TRAPPC9: variants seen among roughly 807,000 people sequenced by gnomAD.
The protein encoded by TRAPPC9 is IKK2 binding protein.
A neutral mutation model predicts 124.0 loss-of-function variants in TRAPPC9; 83 were observed. The observed-to-expected ratio is 0.67, with a 90% CI of 0.56 to 0.80. TRAPPC9 has a LOEUF of 0.80. TRAPPC9 is among the 30% of genes least tolerant of loss of function. TRAPPC9 has a pLI of 0.00. For missense variants in TRAPPC9, 1,302 were observed against 1,508.3 expected (o/e 0.86, Z 2.27); for synonymous variants, 638 against 617.5 (o/e 1.03, Z -0.49).
At chr8:140,448,921 G>A (rs1036300309) in intron 2 of TRAPPC9, among the ~76,000 whole-genome samples, 8 of 148,024 alleles carry the variant, frequency 5.4e-5, no homozygotes, top group African/African-American at 2.0e-4. Flanking sequence ...ACATCAGCCA[G>A]CACAGCAACC....
At chr8:140,354,551 G>A (rs181045219) in intron 9 of TRAPPC9, among the ~76,000 whole-genome samples, 3 of 152,282 alleles carry the variant, frequency 2.0e-5, no homozygotes, top group African/African-American at 4.8e-5. Context: ...GAAGGCCCCC[G>A]ATGATGCTGT....
intron 20 of TRAPPC9, among the ~76,000 whole-genome samples, chr8:139,892,862 C>G (rs1830433059): frequency 6.6e-6 from 1 of 152,200 alleles, no homozygotes; most frequent in Non-Finnish European, 1.5e-5. Flanking sequence ...CACTCCTCTG[C>G]TGTAGAAGCT....
chr8:139,731,859 G>T, intron 22 of TRAPPC9, 120 bp downstream of exon 22: 1 of 939,742 alleles, frequency 1.1e-6, no homozygotes, highest in Non-Finnish European at 1.7e-6. Flanking sequence ...CGTGACCACA[G>T]AACCCCTGCT....
intron 17 of TRAPPC9, among the ~76,000 whole-genome samples, chr8:140,101,598 A>G (rs2060582664): frequency 8.0e-6 from 1 of 124,822 alleles, no homozygotes; most frequent in African/African-American, 3.2e-5. Context: ...GCTGGAGTGC[A>G]ATGGTGCAAT....
chr8:140,310,786 G>C (rs537354797), intron 10 of TRAPPC9, among the ~76,000 whole-genome samples: 85 of 152,114 alleles, frequency 5.6e-4, no homozygotes, highest in Non-Finnish European at 1.1e-3. Flanking sequence ...GGAGAGGAGA[G>C]AGCCTGCCAG....
intron 9 of TRAPPC9, among the ~76,000 whole-genome samples, chr8:140,335,211 G>A (rs1412024357): frequency 6.6e-6 from 1 of 152,120 alleles, no homozygotes; most frequent in African/African-American, 2.4e-5. Context: ...AGGTAACTCC[G>A]GCCGCAATGT....
Position 140,027,886 on chromosome 8 carries a change from T to C in TRAPPC9, c.2557-3807A>G, listed in dbSNP as rs188767014. On this transcript the variant is annotated intron_variant, in intron 17 of 22. Transcript: ENST00000438773. ...ACCATCAGATCTCATGAGAACTCAC[T>C]ATCATGAGAACAGCATGGGGGACAC... Among the ~76,000 whole-genome samples the C allele has an allele frequency of 1.3e-5, 2 of 152,142 alleles. 1 individual carries two copies. Among genetic ancestry groups the C allele is most frequent in the Admixed American group, 1.3e-4 (2 of 15,296 alleles).
intron 4 of TRAPPC9, among the ~76,000 whole-genome samples, chr8:140,431,881 C>T (rs2070658564): frequency 1.3e-5 from 2 of 152,172 alleles, no homozygotes; most frequent in Non-Finnish European, 2.9e-5. Flanking sequence ...GTGCTCCAGA[C>T]AGTTTCTATC....
chr8:140,419,448 A>AAAAAAAAAAAC (rs1554683879), intron 5 of TRAPPC9, among the ~76,000 whole-genome samples: 5 of 94,812 alleles, frequency 5.3e-5, no homozygotes, highest in South Asian at 4.1e-4. Context: ...AAAAAAAAAA[A>AAAAAAAAAAAC]AAAACAAAAC....
At position 140,033,661 on chromosome 8, in the gene TRAPPC9, T is replaced by TTTTG. The variant is rs1482757577; in HGVS notation, c.2557-9583_2557-9582insCAAA. 6.5e-4 allele frequency among the ~76,000 whole-genome samples: 20 copies of TTTTG among 30,982 alleles called. 2 individuals are homozygous for TTTTG. The highest frequency in any genetic ancestry group is 1.2e-3 in the African/African-American group (3 of 2,588). The allele number at this position is 30,982 out of a possible 152,430, so 20.3% of individuals were successfully genotyped here. ...AAATGCAACTCTTCATAATGTGGTT[T>TTTTG]TTTTTTTTTTTTTTTTTTTTTTTTT... On this transcript the variant is annotated intron_variant, in intron 17 of 22. Transcript: ENST00000438773.
chr8:139,852,264 C>T (rs1250473981), intron 21 of TRAPPC9, among the ~76,000 whole-genome samples: 1 of 152,180 alleles, frequency 6.6e-6, no homozygotes, highest in Non-Finnish European at 1.5e-5. Context: ...TAAAGACATG[C>T]CCAGTCTCAG....
intron 17 of TRAPPC9, among the ~76,000 whole-genome samples, chr8:140,052,820 A>T (rs1485795677): frequency 6.6e-6 from 1 of 151,586 alleles, no homozygotes; most frequent in East Asian, 1.9e-4. Flanking sequence ...GGTGGCATAC[A>T]CCTGTGGTCC....
At chr8:139,949,615 C>T (rs539403020) in intron 19 of TRAPPC9, among the ~76,000 whole-genome samples, 2 of 152,354 alleles carry the variant, frequency 1.3e-5, no homozygotes, top group South Asian at 2.1e-4. Flanking sequence ...ACCCTGATTA[C>T]ATTACATGCT....
chr8:140,187,013 C>T (rs1476318981), intron 17 of TRAPPC9, among the ~76,000 whole-genome samples: 1 of 152,168 alleles, frequency 6.6e-6, no homozygotes, highest in African/African-American at 2.4e-5. Context: ...CGTCTCTACA[C>T]GGTACTCTAC....
chr8:140,200,063 G>A (rs763420939), intron 17 of TRAPPC9, among the ~76,000 whole-genome samples: 29 of 152,166 alleles, frequency 1.9e-4, no homozygotes, highest in Admixed American at 5.2e-4. Context: ...ATGCACACTG[G>A]AGTCAAATAA....
chr8:139,732,245 C>T (rs374602903), intron 21 of TRAPPC9, 43 bp from the exon 22 acceptor site: 20 of 1,496,942 alleles, frequency 1.3e-5, no homozygotes, highest in Admixed American at 1.0e-4. Flanking sequence ...CTGGCCTGCA[C>T]GGCCCAGCCG....
Position 139,730,990 on chromosome 8 carries a change from T to G in TRAPPC9, c.*71A>C. On this transcript the variant is annotated 3_prime_UTR_variant, in exon 23 of 23. Transcript: ENST00000438773. ...GGGGCTGCAGTGAAGGCCTTGCTCATTGCAGGGGGTGTGGGAGGCCAGGCA... is the reference window on the plus strand; with the variant it reads ...GGGGCTGCAGTGAAGGCCTTGCTCAGTGCAGGGGGTGTGGGAGGCCAGGCA... 1 of 1,551,382 alleles carries G rather than the reference T, an allele frequency of 6.4e-7. No homozygotes were observed.
At chr8:139,796,145 AGAGGAG>A (rs1318210535) in intron 21 of TRAPPC9, among the ~76,000 whole-genome samples, 2 of 141,772 alleles carry the variant, frequency 1.4e-5, no homozygotes, top group Non-Finnish European at 3.1e-5. Flanking sequence ...AGGAGGAGGA[AGAGGAG>A]GAGGAAGAGG....
chr8:140,424,778 C>G (rs2070363518), intron 5 of TRAPPC9, among the ~76,000 whole-genome samples: 1 of 151,976 alleles, frequency 6.6e-6, no homozygotes, highest in Non-Finnish European at 1.5e-5. Flanking sequence ...AAGCTTAGTT[C>G]TTAGGATGAG....
Sources: allele counts gnomAD v4.1 joint callset (sites outside exome capture counted in the v4.1 genomes callset), GRCh38; gene constraint gnomAD v4.1.1; transcripts MANE v1.5; gene names NCBI Gene and HGNC (gene_info 2026-07-23, HGNC 2026-07-21).